The following VBP1 variants were observed in gnomAD, a reference collection of about 807,000 sequenced individuals.
VBP1 encodes prefoldin subunit 3.
In VBP1, 4 loss-of-function variants were observed where a neutral mutation model predicts 15.5. The observed-to-expected ratio is 0.26, with a 90% CI of 0.13 to 0.59. VBP1 has a LOEUF of 0.59. Among genes scored for constraint, VBP1 ranks in the 20% least tolerant of loss-of-function variants. VBP1 has a pLI of 0.90. For missense variants in VBP1, 108 were observed against 139.6 expected (o/e 0.77, Z 1.14); for synonymous variants, 61 against 52.1 (o/e 1.17, Z -0.74).
At chrX:155,198,331 C>T (rs868955271) in intron 1 of VBP1, among the ~76,000 whole-genome samples, 2 of 112,301 alleles carry the variant, frequency 1.8e-5, no homozygotes, top group Non-Finnish European at 3.8e-5. Flanking sequence ...TGATCCCTGA[C>T]CCCCGAGCAG....
At chrX:155,199,007 C>A (rs2074590332) in intron 1 of VBP1, among the ~76,000 whole-genome samples, 1 of 110,938 alleles carries the variant, frequency 9.0e-6, no homozygotes, top group African/African-American at 3.3e-5. Context: ...GAAAGGGTAT[C>A]AGTGATGGAA....
At chrX:155,225,465 G>A (rs1174346636) in intron 2 of VBP1, among the ~76,000 whole-genome samples, 1 of 112,089 alleles carries the variant, frequency 8.9e-6, no homozygotes, top group East Asian at 2.8e-4. Context: ...CTCCCAAAGT[G>A]CTGGGATTAC....
At chrX:155,198,620 A>T (rs1412983003) in intron 1 of VBP1, among the ~76,000 whole-genome samples, 1 of 110,714 alleles carries the variant, frequency 9.0e-6, no homozygotes, top group Non-Finnish European at 1.9e-5. Flanking sequence ...CATCACCATC[A>T]TCAAAGACCA....
intron 1 of VBP1, among the ~76,000 whole-genome samples, chrX:155,200,610 G>A (rs1557307301): frequency 9.3e-6 from 1 of 107,690 alleles, no homozygotes; most frequent in African/African-American, 3.4e-5. Flanking sequence ...ATTCAAAGCA[G>A]TGTGTAGAGG....
chrX:155,199,010 T>C (rs1485100192), intron 1 of VBP1, among the ~76,000 whole-genome samples: 1 of 110,490 alleles, frequency 9.1e-6, no homozygotes, highest in Non-Finnish European at 1.9e-5. Context: ...AGGGTATCAG[T>C]GATGGAAGAT....
intron 2 of VBP1, among the ~76,000 whole-genome samples, chrX:155,225,945 G>A (rs2074717751): frequency 1.8e-5 from 2 of 111,805 alleles, no homozygotes; most frequent in African/African-American, 6.5e-5. Context: ...TTCTTGCCAG[G>A]TCAGTAGCAC....
At chrX:155,213,352 C>G (rs2074651166), upstream of VBP1, 1 of 112,064 alleles carries the variant, frequency 8.9e-6, no homozygotes, top group Admixed American at 9.4e-5. Flanking sequence ...TTCCCCCAGC[C>G]TCAGGATTTG....
intron 1 of VBP1, among the ~76,000 whole-genome samples, chrX:155,217,358 A>G (rs1199678473): frequency 1.8e-5 from 2 of 112,167 alleles, no homozygotes; most frequent in African/African-American, 6.5e-5. Flanking sequence ...TATTTTATTT[A>G]TTTAATTTAG....
chrX:155,230,405 A>G (rs374825949), intron 4 of VBP1, among the ~76,000 whole-genome samples: 6 of 111,545 alleles, frequency 5.4e-5, no homozygotes, highest in Non-Finnish European at 1.1e-4. Flanking sequence ...GTAAGGTCAC[A>G]TTCGCTAGTA....
upstream of VBP1, among the ~76,000 whole-genome samples, chrX:155,212,165 G>A (rs2074647209): frequency 8.9e-6 from 1 of 112,110 alleles, no homozygotes; most frequent in East Asian, 2.8e-4. Flanking sequence ...CATTGTGCTG[G>A]AAATGCACCA....
intron 4 of VBP1, among the ~76,000 whole-genome samples, chrX:155,234,409 C>T (rs1057175396): frequency 4.5e-5 from 5 of 110,650 alleles, no homozygotes; most frequent in African/African-American, 1.3e-4. Context: ...TGTGAGCCAC[C>T]GCGCCTGGCC....
chrX:155,209,031 C>A, intron 2 of VBP1: 2 of 1,073,691 alleles, frequency 1.9e-6, no homozygotes, highest in Non-Finnish European at 2.5e-6. Context: ...TAGGCAGTCA[C>A]TGGAGGCAGG....
chrX:155,223,110 C>CTTTTT (rs202157365), intron 2 of VBP1, among the ~76,000 whole-genome samples: 1 of 70,812 alleles, frequency 1.4e-5, no homozygotes, highest in East Asian at 4.0e-4. Context: ...ACATGCTAGC[C>CTTTTT]TTTTTGTTTT....
intron 4 of VBP1, among the ~76,000 whole-genome samples, chrX:155,231,210 C>T (rs1223085334): frequency 8.9e-6 from 1 of 112,028 alleles, no homozygotes; most frequent in Non-Finnish European, 1.9e-5. Flanking sequence ...ACAGGACAGC[C>T]CTACTCCCTC....
At chrX:155,202,328 G>A (rs1557307587) in intron 1 of VBP1, among the ~76,000 whole-genome samples, 1 of 111,541 alleles carries the variant, frequency 9.0e-6, no homozygotes, top group African/African-American at 3.3e-5. Context: ...GAACAAAGCT[G>A]GAGGCATCAT....
At chrX:155,203,376 A>C (rs1314380091) in intron 1 of VBP1, among the ~76,000 whole-genome samples, 3 of 110,977 alleles carry the variant, frequency 2.7e-5, no homozygotes, top group Non-Finnish European at 3.8e-5. Context: ...TCCAACAATG[A>C]TAGACTGGAT....
rs140427987 is a variant in VBP1 at position 155,230,778 on chromosome X, G to C, written c.384+2296G>C. On this transcript the variant is annotated intron_variant, in intron 4 of 5. Coordinates refer to ENST00000286428, the MANE Select transcript of VBP1 (RefSeq NM_003372.7). ...AGCTCACTGCAACCTCTGTCTCCCG[G>C]GCTCAAGCGATTCTTGTGCCTCAGC... Among the ~76,000 whole-genome samples, 1,027 of 110,191 alleles carry C rather than the reference G, an allele frequency of 9.3e-3. 15 individuals are homozygous for C. The highest frequency in any genetic ancestry group is 0.032 in the African/African-American group (980 of 30,189).
chrX:155,237,664 A>T (rs1479457936), intron 5 of VBP1, among the ~76,000 whole-genome samples: 1 of 110,977 alleles, frequency 9.0e-6, no homozygotes, highest in East Asian at 2.8e-4. Flanking sequence ...GCATTTCTAC[A>T]CTTTGTTCCT....
At chrX:155,236,207 T>C in intron 4 of VBP1, 22 bp from the exon 5 acceptor site, 2 of 1,201,019 alleles carry the variant, frequency 1.7e-6, no homozygotes, top group Non-Finnish European at 2.2e-6. Context: ...ATTGAGTAAT[T>C]GTCATGACTT....
Sources: gnomAD v4.1 joint callset for allele counts (sites outside exome capture counted in the v4.1 genomes callset) on GRCh38, gnomAD v4.1.1 for gene constraint, MANE v1.5 for transcripts, NCBI Gene and HGNC (gene_info 2026-07-23, HGNC 2026-07-21) for gene names.